The following PTPRD variants were observed in gnomAD, a reference collection of about 807,000 sequenced individuals.
The protein encoded by PTPRD is receptor-type tyrosine-protein phosphatase delta.
PTPRD carries 34 observed loss-of-function variants against 214.5 expected under a neutral mutation model. That is an observed-to-expected ratio of 0.16 (90% CI 0.12 to 0.21). The LOEUF (loss-of-function observed/expected upper bound fraction) is 0.21. Among genes scored for constraint, PTPRD ranks in the 10% least tolerant of loss-of-function variants. The pLI is 1.00. For synonymous variants in PTPRD, 1,128 were observed against 845.7 expected, an observed-to-expected ratio of 1.33 and a Z score of -5.79; for missense variants, 2,545 against 2,398.7, an observed-to-expected ratio of 1.06 and a Z score of -1.27.
At chr9:8,476,911 T>C (rs2096776798) in intron 30 of PTPRD, among the ~76,000 whole-genome samples, 1 of 152,156 alleles carries the variant, frequency 6.6e-6, no homozygotes, top group African/African-American at 2.4e-5. Context: ...AAACCAGCAA[T>C]GGCATGCCCA....
intron 2 of PTPRD, among the ~76,000 whole-genome samples, chr9:10,505,919 G>T (rs900311546): frequency 6.6e-6 from 1 of 152,038 alleles, no homozygotes; most frequent in African/African-American, 2.4e-5. Context: ...TAATCAATAA[G>T]TAGAAGGTGT....
At chr9:8,513,664 A>G (rs2097726257) in intron 21 of PTPRD, among the ~76,000 whole-genome samples, 1 of 152,064 alleles carries the variant, frequency 6.6e-6, no homozygotes. Context: ...CATAATGGTT[A>G]TCGTCCTAGC....
At chr9:8,751,343 C>T (rs560221692) in intron 11 of PTPRD, among the ~76,000 whole-genome samples, 6 of 151,768 alleles carry the variant, frequency 4.0e-5, no homozygotes, top group African/African-American at 1.5e-4. Flanking sequence ...GTCAGCATTA[C>T]GGATCTCTAT....
chr9:8,351,454 A>G lies in PTPRD; in HGVS notation c.4662-9476T>C, dbSNP rs190310446. On this transcript the variant is annotated intron_variant, in intron 39 of 45. Coordinates refer to ENST00000381196, the MANE Select transcript of PTPRD (RefSeq NM_002839.4). ...ATAATAATCTAATAATGGAATTAAG[A>G]AGAAATATAAAGCAATGGGTAAAAA... 2.2e-3 allele frequency among the ~76,000 whole-genome samples: 341 copies of G among 152,010 alleles called. 2 individuals are homozygous for G. The highest frequency in any genetic ancestry group is 4.4e-3 in the Admixed American group (67 of 15,244).
At chr9:10,578,052 C>T (rs554753719) in intron 2 of PTPRD, among the ~76,000 whole-genome samples, 2 of 151,922 alleles carry the variant, frequency 1.3e-5, no homozygotes, top group Non-Finnish European at 1.5e-5. Context: ...GCTGGGATTA[C>T]AGGTGCACCA....
chr9:10,271,187 T>C (rs1272833583), intron 3 of PTPRD, among the ~76,000 whole-genome samples: 1 of 152,138 alleles, frequency 6.6e-6, no homozygotes, highest in Non-Finnish European at 1.5e-5. Context: ...TATTTTCCCA[T>C]ACTTGCATTT....
intron 4 of PTPRD, among the ~76,000 whole-genome samples, chr9:10,000,071 ATC>A: frequency 6.6e-6 from 1 of 152,222 alleles, no homozygotes; most frequent in South Asian, 2.1e-4. Flanking sequence ...CGAATAATGT[ATC>A]TCTCCCAATC....
chr9:8,887,889 C>G (rs1421456431), intron 11 of PTPRD, among the ~76,000 whole-genome samples: 1 of 152,188 alleles, frequency 6.6e-6, no homozygotes, highest in East Asian at 1.9e-4. Flanking sequence ...GATGTCAAGT[C>G]TTATGTTTCC....
rs1008393805 is a variant in PTPRD, at chr9:10,326,781, A to C, written c.-545+14182T>G. Among the ~76,000 whole-genome samples, 61 of 151,686 alleles carry C rather than the reference A, an allele frequency of 4.0e-4. 1 individual carries two copies. Among genetic ancestry groups the C allele is most frequent in the African/African-American group, 1.4e-3 (59 of 41,520 alleles). On this transcript the variant is annotated intron_variant, in intron 3 of 45. Transcript: ENST00000381196. ...TATTATAATATTTCTAAATAGAAAAAGGGGCTCTCTACCGGTTTGTTTGTT... is the reference window on the plus strand; with the variant it reads ...TATTATAATATTTCTAAATAGAAAACGGGGCTCTCTACCGGTTTGTTTGTT...
At chr9:9,663,729 G>C (rs1337686098) in intron 7 of PTPRD, among the ~76,000 whole-genome samples, 1 of 151,424 alleles carries the variant, frequency 6.6e-6, no homozygotes, top group African/African-American at 2.4e-5. Flanking sequence ...AAATTACATA[G>C]AACTTCACAC....
At position 9,947,428 on chromosome 9, in the gene PTPRD, TA is replaced by T. The variant is rs2092803833; in HGVS notation, c.-471-8819del. 6.7e-5 allele frequency among the ~76,000 whole-genome samples: 2 copies of T among 29,732 alleles called. 1 individual carries two copies. 19.5% of individuals were successfully genotyped at this position (29,732 alleles called of 152,430 possible). A position where few individuals can be genotyped will look rare whatever the true frequency, so the allele number is the denominator to read the frequency against. The stretch of plus-strand genomic sequence containing the variant: ...TAATATATATTTTATATATATATTA[TA>T]TATATATTATATATTTTATATATTT... On this transcript the variant is annotated intron_variant, in intron 4 of 45. Coordinates refer to ENST00000381196, the MANE Select transcript of PTPRD (RefSeq NM_002839.4).
intron 9 of PTPRD, among the ~76,000 whole-genome samples, chr9:9,334,494 G>C (rs1199330936): frequency 6.6e-6 from 1 of 151,952 alleles, no homozygotes; most frequent in East Asian, 1.9e-4. Context: ...AAGTTCAGAA[G>C]TGACAGAATA....
At chr9:10,029,535 C>T (rs545227505) in intron 4 of PTPRD, among the ~76,000 whole-genome samples, 1 of 152,288 alleles carries the variant, frequency 6.6e-6, no homozygotes, top group Admixed American at 6.5e-5. Flanking sequence ...CAAAGGAGAT[C>T]ATTTTGGAGC....
At chr9:10,278,683 C>G (rs983799673) in intron 3 of PTPRD, among the ~76,000 whole-genome samples, 1 of 151,870 alleles carries the variant, frequency 6.6e-6, no homozygotes, top group Admixed American at 6.6e-5. Context: ...ACTACTGATT[C>G]GAAGATAATG....
At chr9:10,048,167 G>A (rs1335128445) in intron 3 of PTPRD, among the ~76,000 whole-genome samples, 1 of 152,100 alleles carries the variant, frequency 6.6e-6, no homozygotes, top group Non-Finnish European at 1.5e-5. Context: ...ATCTAGCAGG[G>A]ACTAGTTCCT....
rs78619374 is a variant in PTPRD, at chr9:10,496,382, A to C, written c.-600+116016T>G. Among the ~76,000 whole-genome samples, 1,765 of 151,988 alleles carry C rather than the reference A, an allele frequency of 0.012. 85 individuals carry two copies. In the East Asian group the frequency reaches 0.14, roughly 12 times the overall value. ...CCCTACTTTATATAATAAAACAGGA[A>C]CAAATGTATTAAATTTATTAAATCA... is the stretch of plus-strand genomic sequence containing the variant. On this transcript the variant is annotated intron_variant, in intron 2 of 45. Transcript: ENST00000381196.
At chr9:8,567,792 A>G (rs563865724) in intron 14 of PTPRD, among the ~76,000 whole-genome samples, 3 of 152,122 alleles carry the variant, frequency 2.0e-5, no homozygotes, top group Non-Finnish European at 4.4e-5. Flanking sequence ...CTCTCTTACA[A>G]ATAACATATG....
At chr9:9,029,128 T>C (rs1470250945) in intron 10 of PTPRD, among the ~76,000 whole-genome samples, 2 of 151,946 alleles carry the variant, frequency 1.3e-5, no homozygotes, top group African/African-American at 4.8e-5. Context: ...GTTTTAGCTA[T>C]ATTGGGTAAA....
At chr9:8,408,220 C>T (rs1225210425) in intron 35 of PTPRD, among the ~76,000 whole-genome samples, 1 of 152,022 alleles carries the variant, frequency 6.6e-6, no homozygotes, top group African/African-American at 2.4e-5. Context: ...TCCACCCTGA[C>T]CATGCATCTT....
Sources: allele counts gnomAD v4.1 joint callset (sites outside exome capture counted in the v4.1 genomes callset), GRCh38; gene constraint gnomAD v4.1.1; transcripts MANE v1.5; gene names NCBI Gene and HGNC (gene_info 2026-07-23, HGNC 2026-07-21).